The following LMX1A variants were observed in gnomAD, a reference collection of about 807,000 sequenced individuals.
LMX1A encodes the protein LIM homeobox transcription factor 1-alpha.
Under a neutral mutation model 49.1 loss-of-function variants are expected in LMX1A, and 15 were observed. That is an observed-to-expected ratio of 0.31 (90% CI 0.20 to 0.47). LMX1A has a LOEUF of 0.47. Ranked by LOEUF, LMX1A falls within the 20% of genes least tolerant of loss-of-function variation. The pLI is 1.00. For synonymous variants in LMX1A, 167 were observed against 185.7 expected (o/e 0.90, Z 0.82); for missense variants, 372 against 475.8 (o/e 0.78, Z 2.03).
intron 3 of LMX1A, among the ~76,000 whole-genome samples, chr1:165,349,542 G>T (rs1656351107): frequency 1.3e-5 from 2 of 152,122 alleles, no homozygotes; most frequent in African/African-American, 4.8e-5. Context: ...ATGTTGACAT[G>T]TCATAACAAT....
At chr1:165,303,841 G>A (rs1428879400) in intron 3 of LMX1A, among the ~76,000 whole-genome samples, 2 of 151,996 alleles carry the variant, frequency 1.3e-5, no homozygotes, top group Non-Finnish European at 2.9e-5. Context: ...TGGAGGCTGG[G>A]GTGGACTTTA....
intron 4 of LMX1A, among the ~76,000 whole-genome samples, chr1:165,228,754 C>A (rs890232463): frequency 2.6e-5 from 4 of 152,146 alleles, no homozygotes; most frequent in African/African-American, 9.7e-5. Flanking sequence ...GTCTAGAATT[C>A]ATTGGAAATT....
intron 3 of LMX1A, among the ~76,000 whole-genome samples, chr1:165,307,806 G>A (rs1654962896): frequency 6.6e-6 from 1 of 152,210 alleles, no homozygotes; most frequent in Non-Finnish European, 1.5e-5. Flanking sequence ...TAGCATGACC[G>A]TCACTTGACC....
intron 3 of LMX1A, among the ~76,000 whole-genome samples, chr1:165,302,745 C>T (rs1157357357): frequency 6.6e-6 from 1 of 152,200 alleles, no homozygotes; most frequent in Non-Finnish European, 1.5e-5. Context: ...CTCAATGACC[C>T]TAGGACAATC....
Position 165,277,393 on chromosome 1 carries a change from C to G in LMX1A, c.264-27753G>C, listed in dbSNP as rs1008638838. ...AGAAGACATCTCTGCCAAATCCCCCCCTTGGGAAGGGGAATTCCAGGGCTG... is the reference window on the plus strand; with the variant it reads ...AGAAGACATCTCTGCCAAATCCCCCGCTTGGGAAGGGGAATTCCAGGGCTG... On this transcript the variant is annotated intron_variant, in intron 3 of 8. Transcript: ENST00000342310. Among the ~76,000 whole-genome samples, 10 of 152,302 alleles carry G rather than the reference C, an allele frequency of 6.6e-5. No homozygotes were observed. In the East Asian group the frequency reaches 1.7e-3, roughly 27 times the overall value.
At chr1:165,341,345 T>A (rs1341605001) in intron 3 of LMX1A, among the ~76,000 whole-genome samples, 1 of 152,042 alleles carries the variant, frequency 6.6e-6, no homozygotes, top group Non-Finnish European at 1.5e-5. Flanking sequence ...AATTCTCCCA[T>A]CATCTCCTCT....
intron 3 of LMX1A, among the ~76,000 whole-genome samples, chr1:165,250,039 G>A (rs1652999294): frequency 1.4e-5 from 2 of 148,076 alleles, no homozygotes; most frequent in Admixed American, 1.4e-4. Context: ...ATGACACATG[G>A]ACACAGGGAG....
intron 3 of LMX1A, among the ~76,000 whole-genome samples, chr1:165,347,127 C>G (rs1341012185): frequency 6.6e-6 from 1 of 152,156 alleles, no homozygotes; most frequent in Non-Finnish European, 1.5e-5. Context: ...AAATGTTAAT[C>G]CTATGGGGTA....
At chr1:165,304,926 C>G (rs961080627) in intron 3 of LMX1A, among the ~76,000 whole-genome samples, 2 of 152,234 alleles carry the variant, frequency 1.3e-5, no homozygotes, top group African/African-American at 2.4e-5. Context: ...TCCCCCACCA[C>G]CTGCCCCACA....
intron 3 of LMX1A, among the ~76,000 whole-genome samples, chr1:165,327,567 C>A (rs1015922678): frequency 4.6e-5 from 7 of 152,326 alleles, no homozygotes; most frequent in Non-Finnish European, 7.3e-5. Context: ...GACACAGACA[C>A]AAAGGCAGCG....
intron 4 of LMX1A, among the ~76,000 whole-genome samples, chr1:165,234,838 A>G (rs891924508): frequency 1.3e-5 from 2 of 152,222 alleles, no homozygotes; most frequent in African/African-American, 4.8e-5. Flanking sequence ...TAATGGCTTC[A>G]ATTCTTTGAT....
chr1:165,342,146 T>C (rs1656095569), intron 3 of LMX1A, among the ~76,000 whole-genome samples: 1 of 152,236 alleles, frequency 6.6e-6, no homozygotes, highest in African/African-American at 2.4e-5. Flanking sequence ...AAAACTGGGA[T>C]TCCATTATCA....
intron 3 of LMX1A, among the ~76,000 whole-genome samples, chr1:165,340,677 C>G (rs1379368668): frequency 6.6e-6 from 1 of 152,188 alleles, no homozygotes; most frequent in Non-Finnish European, 1.5e-5. Flanking sequence ...TCTTCTTTCA[C>G]AACTGCCTCC....
At chr1:165,300,452 G>A (rs1393594078) in intron 3 of LMX1A, among the ~76,000 whole-genome samples, 1 of 152,096 alleles carries the variant, frequency 6.6e-6, no homozygotes, top group Non-Finnish European at 1.5e-5. Context: ...CCAAGTTAAG[G>A]GCTTTTCTTT....
intron 4 of LMX1A, among the ~76,000 whole-genome samples, chr1:165,217,080 G>A (rs1398864757): frequency 6.6e-6 from 1 of 152,040 alleles, no homozygotes; most frequent in Non-Finnish European, 1.5e-5. Flanking sequence ...TCAGTGGGGG[G>A]GTCTCAGTTA....
intron 3 of LMX1A, among the ~76,000 whole-genome samples, chr1:165,318,892 T>C (rs1369526196): frequency 6.6e-6 from 1 of 152,094 alleles, no homozygotes; most frequent in East Asian, 1.9e-4. Context: ...CAGAATCTTG[T>C]AACGTGGAAG....
At chr1:165,335,374 A>G (rs2101756454) in intron 3 of LMX1A, among the ~76,000 whole-genome samples, 1 of 152,348 alleles carries the variant, frequency 6.6e-6, no homozygotes, top group Non-Finnish European at 1.5e-5. Flanking sequence ...GTGTATGTCC[A>G]TTCACTAAAT....
At chr1:165,298,496 T>C (rs1428996073) in intron 3 of LMX1A, among the ~76,000 whole-genome samples, 1 of 152,194 alleles carries the variant, frequency 6.6e-6, no homozygotes, top group East Asian at 1.9e-4. Flanking sequence ...GAACACACAA[T>C]TAACCGGGGG....
intron 3 of LMX1A, among the ~76,000 whole-genome samples, chr1:165,308,962 A>G (rs1191833971): frequency 6.6e-6 from 1 of 151,942 alleles, no homozygotes; most frequent in African/African-American, 2.4e-5. Flanking sequence ...TGACCTGAAT[A>G]TTATTATAGA....
Sources: allele counts gnomAD v4.1 joint callset (sites outside exome capture counted in the v4.1 genomes callset), GRCh38; gene constraint gnomAD v4.1.1; transcripts MANE v1.5; gene names NCBI Gene and HGNC (gene_info 2026-07-23, HGNC 2026-07-21).